VAV3: variants seen among roughly 807,000 people sequenced by gnomAD.
VAV3 encodes the protein vav guanine nucleotide exchange factor 3, also known as guanine nucleotide exchange factor VAV3.
In VAV3, 94 loss-of-function variants were observed where a neutral mutation model predicts 131.2. The ratio of observed to expected loss-of-function variants is 0.72; its 90% CI spans 0.61 to 0.85. The LOEUF (loss-of-function observed/expected upper bound fraction) is 0.85. Ranked by LOEUF, VAV3 falls within the 40% of genes least tolerant of loss-of-function variation. The probability of loss-of-function intolerance (pLI) is 0.00; values close to 1 mark genes in which losing one functional copy is unlikely to be tolerated. For synonymous variants in VAV3, 349 were observed against 342.0 expected (o/e 1.02, Z -0.22); for missense variants, 939 against 1,002.7 (o/e 0.94, Z 0.86).
At chr1:107,849,382 T>C (rs557901472) in intron 2 of VAV3, among the ~76,000 whole-genome samples, 23 of 151,952 alleles carry the variant, frequency 1.5e-4, no homozygotes, top group African/African-American at 5.6e-4. Flanking sequence ...AAAACAGATA[T>C]ATTGACCAAT....
intron 1 of VAV3, among the ~76,000 whole-genome samples, chr1:107,948,099 A>T (rs1674357953): frequency 6.6e-6 from 1 of 152,224 alleles, no homozygotes. Context: ...TCCTTTAAGC[A>T]TCAGATCTTT....
chr1:107,785,088 A>G lies in VAV3; in HGVS notation c.322-5596T>C, dbSNP rs535850646. ...TGAAAACAGACTGGTGATATTGTAC[A>G]CTGATAAAACTACCCATTTTAAACT... On this transcript the variant is annotated intron_variant, in intron 2 of 26. Transcript: ENST00000370056. 3.5e-4 allele frequency among the ~76,000 whole-genome samples: 54 copies of G among 152,330 alleles called. 1 individual carries two copies. The highest frequency in any genetic ancestry group is 1.2e-3 in the African/African-American group (51 of 41,574).
intron 15 of VAV3, among the ~76,000 whole-genome samples, chr1:107,719,774 G>A (rs1434156573): frequency 6.6e-6 from 1 of 152,134 alleles, no homozygotes; most frequent in African/African-American, 2.4e-5. Context: ...GTTTATTGTG[G>A]CACTATTCAC....
At chr1:107,922,335 CAGT>C (rs1473800260) in intron 1 of VAV3, among the ~76,000 whole-genome samples, 1 of 151,986 alleles carries the variant, frequency 6.6e-6, no homozygotes, top group African/African-American at 2.4e-5. Context: ...TTTATCCAGG[CAGT>C]AGAAGGGATT....
In VAV3 at chr1:107,593,045, T is replaced by C. The variant is rs921799092; in HGVS notation, c.2350+3167A>G. 2.6e-5 allele frequency among the ~76,000 whole-genome samples: 4 copies of C among 152,058 alleles called. No homozygotes were observed. The South Asian group carries it at 6.2e-4, about 24-fold the overall frequency. On this transcript the variant is annotated intron_variant, in intron 25 of 26. Transcript: ENST00000370056. ...TTCTTTTTCTTTCTCTCTTTTCTTC[T>C]CCCTTAGAAATGCTCTTAAGTCATT...
chr1:107,699,841 A>G (rs1309669262), intron 17 of VAV3, among the ~76,000 whole-genome samples: 1 of 152,160 alleles, frequency 6.6e-6, no homozygotes, highest in Non-Finnish European at 1.5e-5. Context: ...GTGGAGATTT[A>G]TAGCCAAGGA....
intron 1 of VAV3, among the ~76,000 whole-genome samples, chr1:107,951,059 C>T (rs1674509036): frequency 6.6e-6 from 1 of 152,166 alleles, no homozygotes; most frequent in African/African-American, 2.4e-5. Flanking sequence ...CTGACAAATG[C>T]AAATGGTATG....
chr1:107,840,515 A>G (rs563778422), intron 2 of VAV3, among the ~76,000 whole-genome samples: 1 of 152,324 alleles, frequency 6.6e-6, no homozygotes, highest in Middle Eastern at 3.4e-3. Context: ...CAGAGCATTT[A>G]ACCATTGGCA....
intron 1 of VAV3, among the ~76,000 whole-genome samples, chr1:107,898,420 C>T (rs1671704327): frequency 6.6e-6 from 1 of 152,186 alleles, no homozygotes; most frequent in South Asian, 2.1e-4. Flanking sequence ...CATGAAGAAA[C>T]AGCAAGTTTC....
intron 2 of VAV3, among the ~76,000 whole-genome samples, chr1:107,828,344 G>A (rs1185691716): frequency 6.6e-6 from 1 of 152,138 alleles, no homozygotes; most frequent in Non-Finnish European, 1.5e-5. Flanking sequence ...TGAGGTCTAG[G>A]CCTGGCTTAT....
At chr1:107,684,400 T>C (rs1658874734) in intron 18 of VAV3, among the ~76,000 whole-genome samples, 1 of 152,226 alleles carries the variant, frequency 6.6e-6, no homozygotes, top group Non-Finnish European at 1.5e-5. Context: ...TGTATCTGTG[T>C]GTGAAGACTT....
intron 17 of VAV3, among the ~76,000 whole-genome samples, chr1:107,690,747 G>A (rs1659373264): frequency 6.6e-6 from 1 of 152,074 alleles, no homozygotes; most frequent in Non-Finnish European, 1.5e-5. Context: ...GCTTTGTGCT[G>A]GATGCAACTC....
At chr1:107,843,179 C>T (rs1423160100) in intron 2 of VAV3, among the ~76,000 whole-genome samples, 1 of 151,924 alleles carries the variant, frequency 6.6e-6, no homozygotes, top group Non-Finnish European at 1.5e-5. Context: ...GGCATTATAA[C>T]TGACAGCTCT....
At chr1:107,596,503 G>C (rs1203638918) in intron 24 of VAV3, among the ~76,000 whole-genome samples, 162 bp from the exon 25 acceptor site, 1 of 152,116 alleles carries the variant, frequency 6.6e-6, no homozygotes, top group Non-Finnish European at 1.5e-5. Context: ...CTGCTGTCTG[G>C]ATGTACATGA....
intron 20 of VAV3, among the ~76,000 whole-genome samples, chr1:107,625,091 C>G (rs566658393): frequency 4.6e-5 from 7 of 152,000 alleles, no homozygotes; most frequent in African/African-American, 1.7e-4. Flanking sequence ...ACACAGAGCA[C>G]GACCTAAGGA....
chr1:107,914,563 T>A (rs12093637), intron 1 of VAV3, among the ~76,000 whole-genome samples: 45,113 of 152,128 alleles, frequency 0.3, 7,027 homozygotes, highest in African/African-American at 0.41. Flanking sequence ...GTAACCTGTC[T>A]TGCACAAATA....
chr1:107,714,683 C>A (rs1052728538), intron 15 of VAV3, among the ~76,000 whole-genome samples: 1 of 151,746 alleles, frequency 6.6e-6, no homozygotes, highest in Non-Finnish European at 1.5e-5. Context: ...TTTGAAAGGG[C>A]AAGAAAACGA....
chr1:107,733,546 A>T (rs974942584), intron 15 of VAV3, among the ~76,000 whole-genome samples: 16 of 152,230 alleles, frequency 1.1e-4, no homozygotes, highest in African/African-American at 3.4e-4. Context: ...AAGACCTTAA[A>T]TGACCTGATG....
intron 19 of VAV3, among the ~76,000 whole-genome samples, chr1:107,660,856 G>A (rs1322584712): frequency 6.6e-6 from 1 of 152,016 alleles, no homozygotes; most frequent in Non-Finnish European, 1.5e-5. Context: ...TTTTACATTA[G>A]AAAAATTGCA....
Sources: gnomAD v4.1 joint callset for allele counts (sites outside exome capture counted in the v4.1 genomes callset) on GRCh38, gnomAD v4.1.1 for gene constraint, MANE v1.5 for transcripts, NCBI Gene and HGNC (gene_info 2026-07-23, HGNC 2026-07-21) for gene names.